Variants in FCN2 observed in about 807,000 individuals in gnomAD.
FCN2 encodes the protein ficolin-2.
In FCN2, 31 loss-of-function variants were observed where a neutral mutation model predicts 32.5. The observed-to-expected ratio is 0.96, with a 90% CI of 0.72 to 1.29. The LOEUF is 1.29. FCN2 is among the 50% of genes most tolerant of loss of function. FCN2 has a pLI of 0.00. For missense variants in FCN2, 412 were observed against 406.5 expected (o/e 1.01, Z -0.12); for synonymous variants, 181 against 164.5 (o/e 1.10, Z -0.77).
chr9:134,879,024 T>C (rs959410839), upstream of FCN2, among the ~76,000 whole-genome samples: 15 of 152,242 alleles, frequency 9.9e-5, no homozygotes, highest in African/African-American at 3.1e-4. Flanking sequence ...ATACATTTAA[T>C]AGAACCACAT....
chr9:134,865,387 G>A, the FCN2 span, among the ~76,000 whole-genome samples: 112 of 152,304 alleles, frequency 7.4e-4, no homozygotes, highest in Middle Eastern at 0.01. Flanking sequence ...GAGCCTGCTC[G>A]TGGTGGACCA....
At chr9:134,881,050 G>C in intron 1 of FCN2, 129 bp downstream of exon 1, 1 of 722,602 alleles carries the variant, frequency 1.4e-6, no homozygotes, top group Non-Finnish European at 2.5e-6. Flanking sequence ...CGAGACAGCA[G>C]CTCTGCATGC....
the FCN2 span, among the ~76,000 whole-genome samples, chr9:134,868,635 C>T: frequency 6.6e-6 from 1 of 152,206 alleles, no homozygotes; most frequent in Non-Finnish European, 1.5e-5. This position sits in a 1 kb window ranked among gnomAD's most constrained non-coding sequence, Gnocchi z 4.3. Flanking sequence ...GAGCTTTGCA[C>T]CCAGTGCCAG....
At chr9:134,883,986 G>GA (rs1044125846) in intron 3 of FCN2, among the ~76,000 whole-genome samples, 1 of 148,022 alleles carries the variant, frequency 6.8e-6, no homozygotes, top group Non-Finnish European at 1.5e-5. Context: ...GGGTGGGGGG[G>GA]GATTGTCTGC....
At chr9:134,886,306 G>C in intron 6 of FCN2, 124 bp from the exon 7 acceptor site, 1 of 1,163,174 alleles carries the variant, frequency 8.6e-7, no homozygotes, top group Non-Finnish European at 1.3e-6. Context: ...GGATGCTGCG[G>C]TGCTCTCCGC....
the FCN2 span, among the ~76,000 whole-genome samples, chr9:134,864,168 C>A: frequency 6.6e-6 from 1 of 152,218 alleles, no homozygotes; most frequent in African/African-American, 2.4e-5. Context: ...CCGCAGTGGA[C>A]GTTCCTAAAC....
intron 3 of FCN2, 134 bp downstream of exon 3, chr9:134,883,489 G>T: frequency 1.2e-6 from 1 of 805,628 alleles, no homozygotes; most frequent in Non-Finnish European, 2.1e-6. Context: ...AGGGCTCTTG[G>T]GGCTTAGTCC....
chr9:134,882,607 C>A lies in FCN2; in HGVS notation c.182C>A (p.Pro61His), dbSNP rs752408418. 2 of 1,613,864 alleles carry A rather than the reference C, an allele frequency of 1.2e-6. No homozygotes were observed. Among genetic ancestry groups the A allele is most frequent in the South Asian group, 2.2e-5 (2 of 91,062 alleles). Residue 61 changes from proline to histidine, a missense_variant, in exon 2 of 8, where the codon CCC becomes CAC. Transcript: ENST00000291744. ...GCPGLPGAPG[P>H]KGEAGTNGKR... ...CCGGGGCTGCCTGGGGCCCCTGGGC[C>A]CAAGGGAGAGGCAGGCACCAATGGA...
intron 4 of FCN2, among the ~76,000 whole-genome samples, chr9:134,885,027 G>C (rs1265477059): frequency 6.6e-6 from 1 of 152,220 alleles, no homozygotes; most frequent in Admixed American, 6.5e-5. Flanking sequence ...TGAAGGTGGG[G>C]GTGACACTGG....
At chr9:134,881,593 C>A (rs1830664872) in intron 1 of FCN2, among the ~76,000 whole-genome samples, 1 of 152,148 alleles carries the variant, frequency 6.6e-6, no homozygotes, top group Non-Finnish European at 1.5e-5. Flanking sequence ...GATGCAGGGT[C>A]AGGAATTTGT....
At chr9:134,870,385 G>A in the FCN2 span, among the ~76,000 whole-genome samples, 2 of 152,078 alleles carry the variant, frequency 1.3e-5, no homozygotes, top group African/African-American at 2.4e-5. The surrounding 1 kb of genome is among the most constrained non-coding windows in gnomAD (Gnocchi z 4.3). Context: ...GGGCCAGGGG[G>A]TGCCCAGAAG....
Position 134,882,655 on chromosome 9 carries a change from G to T in FCN2, c.214+16G>T, listed in dbSNP as rs774612357. On this transcript the variant is annotated intron_variant, in intron 2 of 7. Transcript: ENST00000291744. ...GGAAAGAGAGGTAGGTGCAGGCATG[G>T]CTGGGGGCACTGGCTCTTGCTCTTT... is the stretch of plus-strand genomic sequence containing the variant. 1 of 1,551,614 alleles carries T rather than the reference G, an allele frequency of 6.4e-7. No individual in the cohort carries two copies.
intron 2 of FCN2, 31 bp from the exon 3 acceptor site, chr9:134,883,271 T>C: frequency 6.3e-7 from 1 of 1,594,768 alleles, no homozygotes; most frequent in Non-Finnish European, 8.6e-7. Flanking sequence ...CTGGGCAGTT[T>C]TCCTCAAGTC....
At chr9:134,880,512 G>T (rs186575899), upstream of FCN2, among the ~76,000 whole-genome samples, 7 of 152,320 alleles carry the variant, frequency 4.6e-5, no homozygotes, top group South Asian at 4.1e-4. Context: ...TCAGCTCATG[G>T]TGACATCTGC....
the FCN2 span, among the ~76,000 whole-genome samples, chr9:134,865,425 G>T: frequency 4.6e-5 from 7 of 152,328 alleles, no homozygotes; most frequent in East Asian, 1.2e-3. Flanking sequence ...GGGTCCCATG[G>T]AGAAAGGCCC....
upstream of FCN2, among the ~76,000 whole-genome samples, chr9:134,878,617 T>C (rs1461254769): frequency 6.6e-6 from 1 of 152,122 alleles, no homozygotes; most frequent in Non-Finnish European, 1.5e-5. Flanking sequence ...CCAAGGTGGG[T>C]GGATCACCTG....
chr9:134,885,732 G>T (rs1014429791), intron 5 of FCN2, 36 bp from the exon 6 acceptor site: 2 of 1,613,552 alleles, frequency 1.2e-6, no homozygotes, highest in African/African-American at 2.7e-5. Context: ...ACGTCGGCCT[G>T]GCCCCCCCGG....
intron 7 of FCN2, 112 bp from the exon 8 acceptor site, chr9:134,887,056 C>A (rs1213583737): frequency 5.5e-6 from 7 of 1,267,694 alleles, no homozygotes; most frequent in Non-Finnish European, 6.9e-6. Context: ...CAGTGCACAA[C>A]CTGCCTAACC....
the FCN2 span, among the ~76,000 whole-genome samples, chr9:134,865,329 C>T: frequency 1.3e-5 from 2 of 152,210 alleles, no homozygotes; most frequent in Non-Finnish European, 2.9e-5. Flanking sequence ...TTGCTCTGAA[C>T]TCAGAACCAG....
Sources: allele counts gnomAD v4.1 joint callset (sites outside exome capture counted in the v4.1 genomes callset), GRCh38; gene constraint gnomAD v4.1.1; non-coding constraint Gnocchi (gnomAD v3.1); transcripts MANE v1.5; gene names NCBI Gene and HGNC (gene_info 2026-07-23, HGNC 2026-07-21).